The following SLC25A44 variants were observed in gnomAD, a reference collection of about 807,000 sequenced individuals.
SLC25A44 encodes solute carrier family 25 member 44.
Under a neutral mutation model 29.9 loss-of-function variants are expected in SLC25A44, and 17 were observed. The ratio of observed to expected loss-of-function variants is 0.57; its 90% CI spans 0.39 to 0.85. The LOEUF is 0.85. SLC25A44 is among the 40% of genes least tolerant of loss of function. The pLI, the probability that SLC25A44 is intolerant of heterozygous loss-of-function variation, is 0.00. For synonymous variants in SLC25A44, 140 were observed against 151.8 expected (o/e 0.92, Z 0.57); for missense variants, 302 against 398.4 (o/e 0.76, Z 2.06).
chr1:156,200,050 A>C lies in SLC25A44; in HGVS notation c.203A>C (p.Asp68Ala). ...GCCTTCATCAAGATCCTGCGAGCAG[A>C]TGGTATCACTGGCCTCTACCGAGGG... ...FDAFIKILRA[D>A]GITGLYRGFL... Residue 68 changes from aspartate to alanine, a missense_variant, in exon 2 of 4, where the codon GAT (aspartate) becomes GCT (alanine). Coordinates refer to ENST00000359511, the MANE Select transcript of SLC25A44 (RefSeq NM_014655.4). 6.2e-7 allele frequency: 1 copy of C among 1,614,152 alleles called. No individual in the cohort carries two copies. Among genetic ancestry groups the C allele is most frequent in the Non-Finnish European group, 8.5e-7 (1 of 1,180,006 alleles).
chr1:156,199,634 C>T, intron 1 of SLC25A44: 2 of 564,800 alleles, frequency 3.5e-6, no homozygotes, highest in East Asian at 5.9e-5. Flanking sequence ...GGCCAAGGAC[C>T]AAGAAGGGGA....
At chr1:156,207,793 G>A (rs191533912) in intron 2 of SLC25A44, 93 bp from the exon 3 acceptor site, 23,745 of 1,468,192 alleles carry the variant, frequency 0.016, 291 homozygotes, top group Non-Finnish European at 0.018. Context: ...GTTTGTCTGG[G>A]TTGGGAAAGC....
At chr1:156,199,642 G>T in intron 1 of SLC25A44, 193 bp from the exon 2 acceptor site, 1 of 584,162 alleles carries the variant, frequency 1.7e-6, no homozygotes, top group Non-Finnish European at 3.0e-6. Flanking sequence ...ACCAAGAAGG[G>T]GACAGTATCC....
At chr1:156,196,019 T>C (rs1656190230) in intron 1 of SLC25A44, among the ~76,000 whole-genome samples, 1 of 152,200 alleles carries the variant, frequency 6.6e-6, no homozygotes, top group South Asian at 2.1e-4. Flanking sequence ...TTAGGTCCCT[T>C]GAGGAAGCAC....
chr1:156,206,504 C>T (rs188107720), intron 2 of SLC25A44, among the ~76,000 whole-genome samples: 1 of 152,280 alleles, frequency 6.6e-6, no homozygotes, highest in Admixed American at 6.5e-5. Flanking sequence ...TCCCAAAGTG[C>T]TGGGATTACA....
rs58631766 is a variant in SLC25A44, at chr1:156,211,056, TTG to T, written c.*669_*670del. On this transcript the variant is annotated 3_prime_UTR_variant, in exon 4 of 4. Coordinates refer to ENST00000359511, the MANE Select transcript of SLC25A44 (RefSeq NM_014655.4). ...TGGGAGAAATGTTGATACTTTTGTTTTGTGTGTGTGTGTGTGTGTGTGTGTGT... is the reference window on the plus strand; with the variant it reads ...TGGGAGAAATGTTGATACTTTTGTTTTGTGTGTGTGTGTGTGTGTGTGTGT... The T allele has an allele frequency of 0.097, 13,424 of 138,786 alleles. 610 individuals are homozygous for T. The highest frequency in any genetic ancestry group is 0.19 in the East Asian group (881 of 4,622). 8.6% of individuals were successfully genotyped at this position (138,786 alleles called of 1,614,324 possible). A position where few individuals can be genotyped will look rare whatever the true frequency, so the allele number is the denominator to read the frequency against.
chr1:156,210,521 AC>A lies in SLC25A44; in HGVS notation c.*92del. 1 of 943,040 alleles carries A rather than the reference AC, an allele frequency of 1.1e-6. No homozygotes were observed. The highest frequency in any genetic ancestry group is 1.5e-6 in the Non-Finnish European group (1 of 652,768). The allele number at this position is 943,040 out of a possible 1,614,324, so 58.4% of individuals were successfully genotyped here. On this transcript the variant is annotated 3_prime_UTR_variant, in exon 4 of 4. Transcript: ENST00000359511. Reference sequence around the variant, plus strand: ...GACAGCACCCTCTCCAGGTGCTCCCACCACACACCCAGCCCTGCCCTGGGCC... The same window carrying A: ...GACAGCACCCTCTCCAGGTGCTCCCACACACACCCAGCCCTGCCCTGGGCC...
chr1:156,201,158 A>G (rs539642423), intron 2 of SLC25A44, among the ~76,000 whole-genome samples: 3 of 152,090 alleles, frequency 2.0e-5, no homozygotes, highest in Non-Finnish European at 4.4e-5. Context: ...GGTGTGATAT[A>G]ACCTTGAACC....
chr1:156,207,204 G>A (rs899609733), intron 2 of SLC25A44, among the ~76,000 whole-genome samples: 5 of 148,928 alleles, frequency 3.4e-5, no homozygotes, highest in African/African-American at 1.2e-4. Context: ...TTGAGACAGA[G>A]TCTTGCTCTG....
At chr1:156,203,650 A>C (rs1026376209) in intron 2 of SLC25A44, among the ~76,000 whole-genome samples, 1 of 148,110 alleles carries the variant, frequency 6.8e-6, no homozygotes, top group Non-Finnish European at 1.5e-5. Flanking sequence ...AAAATGAAAG[A>C]TGTGGAGTCC....
intron 2 of SLC25A44, among the ~76,000 whole-genome samples, chr1:156,204,447 G>A (rs1213141278): frequency 6.6e-6 from 1 of 152,190 alleles, no homozygotes; most frequent in Non-Finnish European, 1.5e-5. Flanking sequence ...GAATAGACAG[G>A]CCCAAGGAGG....
At chr1:156,205,712 T>C (rs1387047519) in intron 2 of SLC25A44, among the ~76,000 whole-genome samples, 5 of 152,236 alleles carry the variant, frequency 3.3e-5, no homozygotes, top group Non-Finnish European at 7.3e-5. Context: ...TCCTGCTTTA[T>C]TTTTATCTAT....
intron 2 of SLC25A44, among the ~76,000 whole-genome samples, chr1:156,203,437 T>C (rs1656712392): frequency 6.6e-6 from 1 of 152,226 alleles, no homozygotes; most frequent in African/African-American, 2.4e-5. Context: ...CATGAAGGCA[T>C]CTCCCTGTCC....
chr1:156,210,095 C>G, intron 3 of SLC25A44, 145 bp from the exon 4 acceptor site: 1 of 478,344 alleles, frequency 2.1e-6, no homozygotes, highest in Non-Finnish European at 3.7e-6. Context: ...TACTAAATCA[C>G]TGTGCTGTAC....
chr1:156,204,766 G>A (rs543843137), intron 2 of SLC25A44, among the ~76,000 whole-genome samples: 31 of 152,222 alleles, frequency 2.0e-4, no homozygotes, highest in Admixed American at 1.8e-3. Context: ...GAGCCACCAC[G>A]CCTGGTCCAG....
In SLC25A44 at chr1:156,199,930, CAAT is replaced by C. The variant is rs777782013; in HGVS notation, c.84_86del (p.Met30del). On this transcript the variant is annotated inframe_deletion, in exon 2 of 4. Transcript: ENST00000359511. ...TTCTACGTGTTTGGTGTGGCAATGA[CAAT>C]GATGATCCGTGTCAGTGTCTACCCA... 3 of 1,614,186 alleles carry C rather than the reference CAAT, an allele frequency of 1.9e-6. No individual in the cohort carries two copies. The highest frequency in any genetic ancestry group is 2.5e-6 in the Non-Finnish European group (3 of 1,180,024).
At position 156,212,650 on chromosome 1, in the gene SLC25A44, T is replaced by C. The variant is rs1342609155; in HGVS notation, c.*2219T>C. ...AACCTCTGGGAGACTGGAAACCTGATTGGAGCACTGAGGAACAAGGGAATG... is the reference window on the plus strand; with the variant it reads ...AACCTCTGGGAGACTGGAAACCTGACTGGAGCACTGAGGAACAAGGGAATG... On this transcript the variant is annotated 3_prime_UTR_variant, in exon 4 of 4. Transcript: ENST00000359511. The C allele has an allele frequency of 1.1e-5, 2 of 181,068 alleles. No homozygotes were observed. Among genetic ancestry groups the C allele is most frequent in the Non-Finnish European group, 1.2e-5 (1 of 83,526 alleles). The allele number at this position is 181,068 out of a possible 1,614,324, so 11.2% of individuals were successfully genotyped here.
intron 3 of SLC25A44, among the ~76,000 whole-genome samples, chr1:156,209,695 G>C (rs536680216): frequency 6.6e-6 from 1 of 152,106 alleles, no homozygotes; most frequent in Non-Finnish European, 1.5e-5. Context: ...TGGAGAGGAA[G>C]GTTCCAGCTC....
In SLC25A44 at chr1:156,211,723, G is replaced by A. The variant is rs1657333955; in HGVS notation, c.*1292G>A. The A allele has an allele frequency of 2.6e-5, 4 of 152,760 alleles. No individual in the cohort carries two copies. Among genetic ancestry groups the A allele is most frequent in the South Asian group, 2.1e-4 (1 of 4,828 alleles). 9.5% of individuals were successfully genotyped at this position (152,760 alleles called of 1,614,324 possible). On this transcript the variant is annotated 3_prime_UTR_variant, in exon 4 of 4. Transcript: ENST00000359511. ...GCTCTCCTCAGGAGCTAGGAGAGGA[G>A]TGCTCCTTCCTCCCTACCGCTACTC...
Sources: allele counts gnomAD v4.1 joint callset (sites outside exome capture counted in the v4.1 genomes callset), GRCh38; gene constraint gnomAD v4.1.1; transcripts MANE v1.5; gene names NCBI Gene and HGNC (gene_info 2026-07-23, HGNC 2026-07-21).